MYH15: variants seen among roughly 807,000 people sequenced by gnomAD.
The protein encoded by MYH15 is myosin heavy chain 15, also known as myosin-15.
In MYH15, 227 loss-of-function variants were observed where a neutral mutation model predicts 240.5. That is an observed-to-expected ratio of 0.94 (90% confidence interval 0.85 to 1.05). The LOEUF is 1.05. MYH15 is among the 50% of genes least tolerant of loss of function. The probability of loss-of-function intolerance (pLI) is 0.00; values close to 1 mark genes in which losing one functional copy is unlikely to be tolerated. For synonymous variants in MYH15, 785 were observed against 796.7 expected (o/e 0.99, Z 0.25); for missense variants, 2,217 against 2,247.5 (o/e 0.99, Z 0.27).
At chr3:108,392,718 G>A (rs1046642641) in intron 36 of MYH15, among the ~76,000 whole-genome samples, 1 of 152,172 alleles carries the variant, frequency 6.6e-6, no homozygotes, top group African/African-American at 2.4e-5. Flanking sequence ...TTGGAGGCTG[G>A]GGTCAGAGAT....
At chr3:108,477,772 C>T (rs1194080910) in intron 11 of MYH15, among the ~76,000 whole-genome samples, 1 of 152,084 alleles carries the variant, frequency 6.6e-6, no homozygotes, top group Non-Finnish European at 1.5e-5. Flanking sequence ...ACTTACACCC[C>T]ACAAAATTGT....
chr3:108,548,694 A>AT, the MYH15 span, among the ~76,000 whole-genome samples: 1 of 152,284 alleles, frequency 6.6e-6, no homozygotes, highest in East Asian at 1.9e-4. Flanking sequence ...GTTCATAACT[A>AT]TTTGAAGGCA....
intron 9 of MYH15, among the ~76,000 whole-genome samples, chr3:108,492,227 C>CAG (rs397976942): frequency 7.2e-6 from 1 of 138,930 alleles, no homozygotes; most frequent in African/African-American, 2.6e-5. Flanking sequence ...CACACACACA[C>CAG]TCACTCACCT....
chr3:108,441,107 C>A lies in MYH15; in HGVS notation c.2809G>T (p.Asp937Tyr). 12 of 1,614,136 alleles carry A rather than the reference C, an allele frequency of 7.4e-6. No individual in the cohort carries two copies. The highest frequency in any genetic ancestry group is 1.0e-5 in the Non-Finnish European group (12 of 1,180,000). Residue 937 changes from aspartate to tyrosine, a missense_variant, in exon 23 of 41, where the codon GAT (aspartate) becomes TAT (tyrosine). By Grantham distance (160) the Asp-to-Tyr change is radical. Coordinates refer to ENST00000693548, the MANE Select transcript of MYH15 (RefSeq NM_014981.3). Reference protein sequence around the residue: ...ELTARGRKLEDECFELKKEID... With the variant: ...ELTARGRKLEYECFELKKEID... ...TCTTTCTTCAACTCAAAACATTCAT[C>A]TTCGAGTTTCCGCCCCCTGGCAGTC...
chr3:108,441,791 A>G (rs9836869), intron 22 of MYH15, among the ~76,000 whole-genome samples: 129,194 of 152,278 alleles, frequency 0.85, 54,915 homozygotes, highest in Non-Finnish European at 0.86. Context: ...TAGAATTCAT[A>G]AGGTTATTTG....
intron 29 of MYH15, among the ~76,000 whole-genome samples, chr3:108,415,200 A>G (rs59487848): frequency 0.035 from 5,379 of 152,280 alleles, 265 homozygotes; most frequent in East Asian, 0.24. Flanking sequence ...CCCCAGAGAT[A>G]ATCTAGTGTG....
chr3:108,502,502 A>C (rs1283805758), intron 2 of MYH15, among the ~76,000 whole-genome samples: 2 of 152,146 alleles, frequency 1.3e-5, no homozygotes, highest in Non-Finnish European at 2.9e-5. Flanking sequence ...ATGCATGTTC[A>C]TTTTTGATGT....
the MYH15 span, among the ~76,000 whole-genome samples, chr3:108,535,842 C>T: frequency 6.6e-6 from 1 of 152,332 alleles, no homozygotes; most frequent in Admixed American, 6.5e-5. Flanking sequence ...ACACATCCAA[C>T]TCTGGCATGA....
chr3:108,535,339 C>G, the MYH15 span, among the ~76,000 whole-genome samples: 6 of 152,114 alleles, frequency 3.9e-5, no homozygotes, highest in Admixed American at 2.0e-4. Context: ...GATTTGGTGT[C>G]TGATGAGGGC....
chr3:108,430,848 G>T lies in MYH15; in HGVS notation c.3296C>A (p.Thr1099Lys). 1 of 1,611,266 alleles carries T rather than the reference G, an allele frequency of 6.2e-7. No individual in the cohort carries two copies. The highest frequency in any genetic ancestry group is 8.5e-7 in the Non-Finnish European group (1 of 1,179,080). ...EKGLVAQLQK[T>K]VKELQTQIKD... Reference sequence around the variant, plus strand: ...ATTGATTACCTGAAGCTCTTTAACCGTCTTCTGAAGCTGAGCTACCAGGCC... The same window carrying T: ...ATTGATTACCTGAAGCTCTTTAACCTTCTTCTGAAGCTGAGCTACCAGGCC... Residue 1099 changes from threonine (T) to lysine (K), a missense_variant, in exon 26 of 41, where the codon ACG becomes AAG. Physicochemically the swap from Thr to Lys is moderately conservative, Grantham distance 78. Transcript: ENST00000693548.
At position 108,464,814 on chromosome 3, in the gene MYH15, G is replaced by A. The variant is rs1441059259; in HGVS notation, c.1555C>T (p.Pro519Ser). 2 of 1,604,068 alleles carry A rather than the reference G, an allele frequency of 1.2e-6. No individual in the cohort carries two copies. Among genetic ancestry groups the A allele is most frequent in the Admixed American group, 3.4e-5 (2 of 58,188 alleles). ...LQACIDLIEK[P>S]MGILSILEEE... ...TCAAGGATGGAAAGGATGCCCATTG[G>A]CTGTTGAAGAGACATAAGAGCAGCA... Residue 519 changes from proline to serine, a missense_variant and splice_region_variant, in exon 15 of 41, where the codon CCA (proline) becomes TCA (serine). Physicochemically the swap from Pro to Ser is moderately conservative, Grantham distance 74. Coordinates refer to ENST00000693548, the MANE Select transcript of MYH15 (RefSeq NM_014981.3).
chr3:108,455,891 T>C (rs1158123947), intron 19 of MYH15, 32 bp from the exon 20 acceptor site: 1 of 1,586,720 alleles, frequency 6.3e-7, no homozygotes. Context: ...ATCATGAGTT[T>C]GGGAAATCAT....
intron 11 of MYH15, among the ~76,000 whole-genome samples, chr3:108,481,891 G>A (rs1295724014): frequency 6.6e-6 from 1 of 152,160 alleles, no homozygotes; most frequent in East Asian, 1.9e-4. Context: ...TTTATTTGGA[G>A]CCATTGTTGA....
chr3:108,402,980 T>C (rs927499891), intron 33 of MYH15, among the ~76,000 whole-genome samples: 2 of 152,200 alleles, frequency 1.3e-5, no homozygotes, highest in Admixed American at 1.3e-4. Flanking sequence ...CCTCCCTACC[T>C]CTACCTGTGT....
At chr3:108,444,977 A>G in intron 21 of MYH15, 82 bp from the exon 22 acceptor site, 1 of 1,422,256 alleles carries the variant, frequency 7.0e-7, no homozygotes, top group East Asian at 2.3e-5. Flanking sequence ...CTCAATAAAC[A>G]CATATTTTTA....
intron 39 of MYH15, 136 bp from the exon 40 acceptor site, chr3:108,383,865 T>G: frequency 1.5e-6 from 1 of 671,986 alleles, no homozygotes. Context: ...GATATCATAT[T>G]TTGGTATGAT....
intron 1 of MYH15, among the ~76,000 whole-genome samples, chr3:108,509,085 TA>T (rs888748516): frequency 6.6e-6 from 1 of 152,136 alleles, no homozygotes; most frequent in Admixed American, 6.6e-5. Flanking sequence ...GACTACCTGC[TA>T]AATACTCGTC....
upstream of MYH15, among the ~76,000 whole-genome samples, chr3:108,513,709 G>C (rs1243712139): frequency 6.6e-6 from 1 of 152,114 alleles, no homozygotes; most frequent in Non-Finnish European, 1.5e-5. Context: ...AGAGAATTGA[G>C]GACTTGAGAT....
chr3:108,385,383 A>T (rs1012333494), intron 38 of MYH15, among the ~76,000 whole-genome samples: 2 of 152,240 alleles, frequency 1.3e-5, no homozygotes, highest in Non-Finnish European at 2.9e-5. Flanking sequence ...GGAGATAGCA[A>T]GGAAGATTCT....
Sources: gnomAD v4.1 joint callset for allele counts (sites outside exome capture counted in the v4.1 genomes callset) on GRCh38, gnomAD v4.1.1 for gene constraint, MANE v1.5 for transcripts, NCBI Gene and HGNC (gene_info 2026-07-23, HGNC 2026-07-21) for gene names.